CSMD1: variants seen among roughly 807,000 people sequenced by gnomAD.
CSMD1 encodes the protein CUB and Sushi multiple domains 1.
Under a neutral mutation model 417.5 loss-of-function variants are expected in CSMD1, and 213 were observed. The ratio of observed to expected loss-of-function variants is 0.51; its 90% CI spans 0.46 to 0.57. The LOEUF is 0.57. Ranked by LOEUF, CSMD1 falls within the 20% of genes least tolerant of loss-of-function variation. The pLI, the probability that CSMD1 is intolerant of heterozygous loss-of-function variation, is 0.00. For synonymous variants in CSMD1, 2,862 were observed against 1,736.8 expected (o/e 1.65, Z -16.11); for missense variants, 6,923 against 4,529.7 (o/e 1.53, Z -15.17).
At chr8:3,253,235 C>T (rs1040678675) in intron 26 of CSMD1, among the ~76,000 whole-genome samples, 32 of 152,032 alleles carry the variant, frequency 2.1e-4, no homozygotes, top group Admixed American at 5.2e-4. Flanking sequence ...TGTGTCTTTG[C>T]TCTCGTTGGT....
At chr8:4,746,986 T>C (rs1810999507) in intron 1 of CSMD1, among the ~76,000 whole-genome samples, 1 of 152,138 alleles carries the variant, frequency 6.6e-6, no homozygotes, top group Admixed American at 6.6e-5. Context: ...GAATAATTTC[T>C]CAAGCAGGGA....
intron 8 of CSMD1, among the ~76,000 whole-genome samples, chr8:3,612,982 A>G (rs1265219045): frequency 6.6e-6 from 1 of 152,110 alleles, no homozygotes; most frequent in Non-Finnish European, 1.5e-5. Flanking sequence ...AAATGTATGT[A>G]AAAGTAAATT....
chr8:3,218,476 G>C lies in CSMD1; in HGVS notation c.4672+779C>G, dbSNP rs769837996. ...CTCGGGAGGCTGAGGAAGGAGAATC[G>C]CTTGAACCCTGGAGGCAGAGGTTGC... On this transcript the variant is annotated intron_variant, in intron 29 of 69. Coordinates refer to ENST00000635120, the MANE Select transcript of CSMD1 (RefSeq NM_033225.6). Among the ~76,000 whole-genome samples the C allele has an allele frequency of 2.0e-5, 3 of 148,976 alleles. No homozygotes were observed. The Admixed American group carries it at 2.1e-4, about 10-fold the overall frequency.
intron 3 of CSMD1, among the ~76,000 whole-genome samples, chr8:4,268,398 G>A (rs1395478077): frequency 6.6e-6 from 1 of 152,136 alleles, no homozygotes; most frequent in Non-Finnish European, 1.5e-5. Context: ...TCAAGAGGAA[G>A]TAATTATTGT....
At chr8:4,263,760 T>C (rs1009144324) in intron 3 of CSMD1, among the ~76,000 whole-genome samples, 4 of 152,168 alleles carry the variant, frequency 2.6e-5, no homozygotes, top group Non-Finnish European at 2.9e-5. Flanking sequence ...CTAGCTGAAA[T>C]AATAAAAATG....
In CSMD1 at chr8:4,465,664, G is replaced by C. The variant is rs141351896; in HGVS notation, c.303-45599C>G. On this transcript the variant is annotated intron_variant, in intron 2 of 69. Coordinates refer to ENST00000635120, the MANE Select transcript of CSMD1 (RefSeq NM_033225.6). The stretch of plus-strand genomic sequence containing the variant: ...ATTTCCAAATCCCAAGTACTGGAGA[G>C]ATGAAATTCACTTTATTGCTCTGAC... Among the ~76,000 whole-genome samples the C allele has an allele frequency of 8.2e-3, 1,253 of 152,286 alleles. 10 individuals are homozygous for C. Among genetic ancestry groups the C allele is most frequent in the Non-Finnish European group, 0.012 (796 of 68,012 alleles).
chr8:3,535,811 G>T (rs939928386), intron 10 of CSMD1, among the ~76,000 whole-genome samples: 4 of 152,134 alleles, frequency 2.6e-5, no homozygotes, highest in Non-Finnish European at 4.4e-5. Flanking sequence ...TGGATTCCTT[G>T]CAGTTTCCTC....
chr8:3,858,426 T>C (rs1188296879), intron 5 of CSMD1, among the ~76,000 whole-genome samples: 1 of 152,216 alleles, frequency 6.6e-6, no homozygotes, highest in African/African-American at 2.4e-5. Context: ...TAAATCAGTT[T>C]TTAATCTATG....
chr8:3,657,841 T>C (rs1446153383), intron 7 of CSMD1, among the ~76,000 whole-genome samples: 1 of 152,150 alleles, frequency 6.6e-6, no homozygotes, highest in Non-Finnish European at 1.5e-5. Flanking sequence ...ACTTGAAGTA[T>C]AATAATAATA....
intron 1 of CSMD1, among the ~76,000 whole-genome samples, chr8:4,734,127 T>TCAGTTA (rs1810072631): frequency 6.6e-6 from 1 of 152,198 alleles, no homozygotes; most frequent in Non-Finnish European, 1.5e-5. Context: ...ATCAAAATTT[T>TCAGTTA]CATTTACATT....
chr8:3,188,977 A>G lies in CSMD1; in HGVS notation c.5433T>C (p.Gly1811=), dbSNP rs1796256440. 2.5e-6 allele frequency: 4 copies of G among 1,613,396 alleles called. No individual in the cohort carries two copies. Among genetic ancestry groups the G allele is most frequent in the Non-Finnish European group, 3.4e-6 (4 of 1,179,618 alleles). Residue 1811 remains glycine (G), a synonymous_variant, in exon 35 of 70, where the codon GGT becomes GGC. Transcript: ENST00000635120. Reference sequence around the variant, plus strand: ...CAGGGTAGCCGGGGGACAGGATTGTACCTCTTCGTTGAGTGAAATTGCCAC... The same window carrying G: ...CAGGGTAGCCGGGGGACAGGATTGTGCCTCTTCGTTGAGTGAAATTGCCAC... ...PCSGNFTQRR[G]TILSPGYPEP... is the part of the protein sequence containing the mutation.
intron 3 of CSMD1, among the ~76,000 whole-genome samples, chr8:4,370,269 C>A (rs576829606): frequency 4.6e-5 from 7 of 151,906 alleles, no homozygotes; most frequent in African/African-American, 1.7e-4. Context: ...ATACAGGCTC[C>A]CAGTCTTTCC....
At chr8:4,857,828 C>T (rs1203088008) in intron 1 of CSMD1, among the ~76,000 whole-genome samples, 3 of 151,892 alleles carry the variant, frequency 2.0e-5, no homozygotes, top group Non-Finnish European at 4.4e-5. Context: ...CGAATTCCAC[C>T]AGAGGTACAA....
At chr8:3,618,156 C>A (rs1036396409) in intron 7 of CSMD1, among the ~76,000 whole-genome samples, 1 of 151,944 alleles carries the variant, frequency 6.6e-6, no homozygotes, top group Non-Finnish European at 1.5e-5. Context: ...CTTGTGCCAC[C>A]GTGCCCAGAT....
intron 3 of CSMD1, among the ~76,000 whole-genome samples, chr8:4,413,272 A>G (rs1433270262): frequency 6.6e-6 from 1 of 152,158 alleles, no homozygotes; most frequent in East Asian, 1.9e-4. Context: ...CTTGAGGCTG[A>G]TCCTCAATGA....
At chr8:4,095,605 T>A (rs1344201961) in intron 3 of CSMD1, among the ~76,000 whole-genome samples, 1 of 152,158 alleles carries the variant, frequency 6.6e-6, no homozygotes, top group African/African-American at 2.4e-5. Flanking sequence ...AACAAAGTAA[T>A]GTGCACCTGC....
intron 20 of CSMD1, among the ~76,000 whole-genome samples, chr8:3,365,214 T>C (rs1280088415): frequency 1.3e-5 from 2 of 152,198 alleles, no homozygotes; most frequent in Admixed American, 6.5e-5. Context: ...TTACTGCTGA[T>C]TACAACAAAT....
intron 4 of CSMD1, among the ~76,000 whole-genome samples, chr8:4,014,695 G>A (rs554451156): frequency 5.9e-5 from 9 of 152,324 alleles, no homozygotes; most frequent in Non-Finnish European, 1.2e-4. Context: ...TGATGAGGCT[G>A]GAGCTAGAAT....
rs191019173 is a variant in CSMD1, at chr8:4,165,050, G to C, written c.416-132951C>G. On this transcript the variant is annotated intron_variant, in intron 3 of 69. Coordinates refer to ENST00000635120, the MANE Select transcript of CSMD1 (RefSeq NM_033225.6). ...ACCTGAGGTTTCTGTATTGGTAGAGGCTGTGTAGACAGTGAAGTTTAGGTG... is the reference window on the plus strand; with the variant it reads ...ACCTGAGGTTTCTGTATTGGTAGAGCCTGTGTAGACAGTGAAGTTTAGGTG... Among the ~76,000 whole-genome samples, 14 of 152,260 alleles carry C rather than the reference G, an allele frequency of 9.2e-5. No homozygotes were observed. In the East Asian group the frequency reaches 2.5e-3, roughly 27 times the overall value.
Sources: gnomAD v4.1 joint callset for allele counts (sites outside exome capture counted in the v4.1 genomes callset) on GRCh38, gnomAD v4.1.1 for gene constraint, MANE v1.5 for transcripts, NCBI Gene and HGNC (gene_info 2026-07-23, HGNC 2026-07-21) for gene names.